The following UBE2E3 variants were observed in gnomAD, a reference collection of about 807,000 sequenced individuals.
The protein encoded by UBE2E3 is ubiquitin-conjugating enzyme E2 E3.
In UBE2E3, 5 loss-of-function variants were observed where a neutral mutation model predicts 23.6. That is an observed-to-expected ratio of 0.21 (90% confidence interval 0.11 to 0.44). The LOEUF (loss-of-function observed/expected upper bound fraction) is 0.44, where lower values mean the gene tolerates loss of function less well. Ranked by LOEUF, UBE2E3 falls within the 20% of genes least tolerant of loss-of-function variation. UBE2E3 has a pLI of 0.99. For synonymous variants in UBE2E3, 78 were observed against 87.5 expected (o/e 0.89, Z 0.60); for missense variants, 81 against 249.8 (o/e 0.32, Z 4.55).
chr2:181,051,604 T>C (rs1686846943), intron 3 of UBE2E3, among the ~76,000 whole-genome samples: 1 of 151,848 alleles, frequency 6.6e-6, no homozygotes, highest in African/African-American at 2.4e-5. Flanking sequence ...AGCCTCATTG[T>C]GGGAAAAGTC....
chr2:181,024,254 A>G (rs747719678), intron 3 of UBE2E3, among the ~76,000 whole-genome samples: 81 of 152,166 alleles, frequency 5.3e-4, no homozygotes, highest in Non-Finnish European at 8.4e-4. Context: ...AATGATTGAC[A>G]CTTTATGTGA....
rs146536308 is a variant in UBE2E3 at position 181,052,600 on chromosome 2, T to C, written c.246-5093T>C. Among the ~76,000 whole-genome samples the C allele has an allele frequency of 1.2e-3, 178 of 151,892 alleles. 1 individual carries two copies. The highest frequency in any genetic ancestry group is 4.0e-3 in the African/African-American group (166 of 41,454). On this transcript the variant is annotated intron_variant, in intron 3 of 5. Coordinates refer to ENST00000410062, the MANE Select transcript of UBE2E3 (RefSeq NM_006357.4). Reference sequence around the variant, plus strand: ...TGAAAGTTAACAGTGCAGGCAGTTATCATTGAGAACACCTGACTTTCACAC... The same window carrying C: ...TGAAAGTTAACAGTGCAGGCAGTTACCATTGAGAACACCTGACTTTCACAC...
chr2:181,030,110 G>GTAATCGCACC (rs1686029713), intron 3 of UBE2E3, among the ~76,000 whole-genome samples: 1 of 151,976 alleles, frequency 6.6e-6, no homozygotes, highest in Non-Finnish European at 1.5e-5. Flanking sequence ...GCGATTACAG[G>GTAATCGCACC]TGTGAGCCAC....
chr2:180,995,739 A>G (rs1383685037), intron 3 of UBE2E3, among the ~76,000 whole-genome samples: 1 of 125,386 alleles, frequency 8.0e-6, no homozygotes, highest in Admixed American at 7.9e-5. Context: ...TTCAGGCTGG[A>G]TTTTTTTTTT....
intron 3 of UBE2E3, among the ~76,000 whole-genome samples, chr2:181,011,702 G>C (rs1685334249): frequency 6.6e-6 from 1 of 152,140 alleles, no homozygotes; most frequent in Non-Finnish European, 1.5e-5. Flanking sequence ...TGTGTGAGCT[G>C]TAACAATTTA....
chr2:181,031,917 C>T (rs1686091033), intron 3 of UBE2E3, among the ~76,000 whole-genome samples: 1 of 152,122 alleles, frequency 6.6e-6, no homozygotes. Context: ...TTTTAAAATG[C>T]CAGTTGCTTC....
rs375318991 is a variant in UBE2E3 at position 180,981,996 on chromosome 2, C to A, written c.-25-22C>A. On this transcript the variant is annotated intron_variant, in intron 1 of 5. Transcript: ENST00000410062. The stretch of plus-strand genomic sequence containing the variant: ...CCTAGATTTAACATTTTCTCCTCCT[C>A]CTCCCCTGTTCTCTTTAAAAGTTTT... 15 of 1,515,770 alleles carry A rather than the reference C, an allele frequency of 9.9e-6. No individual in the cohort carries two copies. In the South Asian group the frequency reaches 1.7e-4, roughly 17 times the overall value. The allele number at this position is 1,515,770 out of a possible 1,614,324, so 93.9% of individuals were successfully genotyped here.
chr2:180,987,323 C>T, intron 3 of UBE2E3: 1 of 1,549,276 alleles, frequency 6.5e-7, no homozygotes, highest in South Asian at 1.2e-5. Flanking sequence ...CATTTACTTT[C>T]CATCTGTTTC....
intron 3 of UBE2E3, among the ~76,000 whole-genome samples, chr2:181,023,392 C>G (rs941398233): frequency 8.5e-5 from 13 of 152,266 alleles, no homozygotes; most frequent in Middle Eastern, 3.4e-3. Context: ...TCTGATTTCT[C>G]AAACAATGTA....
intron 3 of UBE2E3, among the ~76,000 whole-genome samples, chr2:181,055,362 T>C (rs1686961105): frequency 6.6e-6 from 1 of 151,748 alleles, no homozygotes; most frequent in Admixed American, 6.6e-5. Context: ...ACAGAGAGTG[T>C]CGGTCAGTTG....
At chr2:180,994,721 A>G (rs1285355651) in intron 3 of UBE2E3, among the ~76,000 whole-genome samples, 1 of 152,208 alleles carries the variant, frequency 6.6e-6, no homozygotes, top group Non-Finnish European at 1.5e-5. Context: ...GAGATTTACA[A>G]TTTGAAAGAA....
chr2:180,993,607 C>T (rs757029718), intron 3 of UBE2E3, among the ~76,000 whole-genome samples: 6 of 152,130 alleles, frequency 3.9e-5, no homozygotes, highest in African/African-American at 9.7e-5. Context: ...TACATCCATG[C>T]GTCTCACTTT....
chr2:180,999,298 A>G (rs1684926027), intron 3 of UBE2E3, among the ~76,000 whole-genome samples: 1 of 152,222 alleles, frequency 6.6e-6, no homozygotes, highest in Non-Finnish European at 1.5e-5. Context: ...AAATACCACA[A>G]TACCAAAAAA....
chr2:181,011,734 G>T (rs1039108985), intron 3 of UBE2E3, among the ~76,000 whole-genome samples: 3 of 152,134 alleles, frequency 2.0e-5, no homozygotes, highest in African/African-American at 7.2e-5. Context: ...CCTCTGGCAA[G>T]TAGTGTTATA....
At chr2:180,990,627 A>G (rs775369719) in intron 3 of UBE2E3, among the ~76,000 whole-genome samples, 12 of 152,254 alleles carry the variant, frequency 7.9e-5, no homozygotes, top group Non-Finnish European at 1.6e-4. Context: ...CTGAGGCCAG[A>G]AATGCTTACA....
intron 3 of UBE2E3, among the ~76,000 whole-genome samples, chr2:181,019,612 A>C (rs749511637): frequency 1.3e-5 from 2 of 152,178 alleles, no homozygotes; most frequent in Non-Finnish European, 2.9e-5. Context: ...GGGGAACACA[A>C]TGTACCAGTG....
At chr2:181,052,294 G>T (rs954859433) in intron 3 of UBE2E3, among the ~76,000 whole-genome samples, 2 of 151,804 alleles carry the variant, frequency 1.3e-5, no homozygotes, top group African/African-American at 2.4e-5. Context: ...GAATACAGTC[G>T]TAGGTTCTTG....
chr2:181,015,179 T>A (rs1234728024), intron 3 of UBE2E3, among the ~76,000 whole-genome samples: 1 of 152,148 alleles, frequency 6.6e-6, no homozygotes, highest in Non-Finnish European at 1.5e-5. Context: ...AAGGGTGGAA[T>A]CCTATACATG....
At chr2:180,991,055 G>T (rs1293165440) in intron 3 of UBE2E3, among the ~76,000 whole-genome samples, 1 of 152,146 alleles carries the variant, frequency 6.6e-6, no homozygotes, top group Non-Finnish European at 1.5e-5. Context: ...ATTCATACAG[G>T]TGGAATAAGT....
Sources: allele counts gnomAD v4.1 joint callset (sites outside exome capture counted in the v4.1 genomes callset), GRCh38; gene constraint gnomAD v4.1.1; transcripts MANE v1.5; gene names NCBI Gene and HGNC (gene_info 2026-07-23, HGNC 2026-07-21).